The following CNKSR3 variants were observed in gnomAD, a reference collection of about 807,000 sequenced individuals.
The protein encoded by CNKSR3 is connector enhancer of kinase suppressor of ras 3.
CNKSR3 carries 36 observed loss-of-function variants against 67.7 expected under a neutral mutation model. That is an observed-to-expected ratio of 0.53 (90% CI 0.41 to 0.70). CNKSR3 has a LOEUF of 0.70. CNKSR3 is among the 30% of genes least tolerant of loss of function. The probability of loss-of-function intolerance (pLI) is 0.00; values close to 1 mark genes in which losing one functional copy is unlikely to be tolerated. For synonymous variants in CNKSR3, 281 were observed against 271.4 expected (o/e 1.04, Z -0.35); for missense variants, 630 against 695.2 (o/e 0.91, Z 1.05).
chr6:154,506,271 GAAGA>G (rs1787101562), intron 1 of CNKSR3, among the ~76,000 whole-genome samples: 1 of 151,404 alleles, frequency 6.6e-6, no homozygotes, highest in African/African-American at 2.4e-5. Context: ...AAAAAAGGAA[GAAGA>G]AATGAAAAGG....
chr6:154,487,015 G>A (rs913059723), intron 1 of CNKSR3, among the ~76,000 whole-genome samples: 9 of 148,618 alleles, frequency 6.1e-5, no homozygotes, highest in East Asian at 4.2e-4. Flanking sequence ...GGGTTCAAGT[G>A]ATTCTCCTGC....
chr6:154,457,707 G>T (rs564756198), intron 1 of CNKSR3, among the ~76,000 whole-genome samples: 1 of 152,074 alleles, frequency 6.6e-6, no homozygotes, highest in Non-Finnish European at 1.5e-5. Context: ...TGTCTTGCCC[G>T]GATTTCTGCA....
At chr6:154,474,345 G>T (rs775986384) in intron 1 of CNKSR3, among the ~76,000 whole-genome samples, 1 of 151,400 alleles carries the variant, frequency 6.6e-6, no homozygotes, top group Non-Finnish European at 1.5e-5. Flanking sequence ...CCCGGGAGGC[G>T]GAGGTTGCAG....
chr6:154,482,826 C>T (rs1272732431), intron 1 of CNKSR3, among the ~76,000 whole-genome samples: 2 of 152,024 alleles, frequency 1.3e-5, no homozygotes, highest in Non-Finnish European at 2.9e-5. Context: ...CTACAGGCAA[C>T]GGAAAGATAA....
chr6:154,466,852 T>C (rs1421757273), intron 1 of CNKSR3, among the ~76,000 whole-genome samples: 1 of 151,170 alleles, frequency 6.6e-6, no homozygotes, highest in East Asian at 1.9e-4. Flanking sequence ...CTCAAACTCC[T>C]GGGCTCAAGT....
chr6:154,399,633 T>A lies in CNKSR3; in HGVS notation c.*6721A>T, dbSNP rs777553572. Reference sequence around the variant, plus strand: ...TCTAAATTCGCGCTAATTCCTCAAATCCCTCCTCTTATCCTGGTGCAGCCT... The same window carrying A: ...TCTAAATTCGCGCTAATTCCTCAAAACCCTCCTCTTATCCTGGTGCAGCCT... On this transcript the variant is annotated 3_prime_UTR_variant, in exon 13 of 13. Coordinates refer to ENST00000607772, the MANE Select transcript of CNKSR3 (RefSeq NM_173515.4). 6.6e-6 allele frequency: 1 copy of A among 151,830 alleles called. No individual in the cohort carries two copies. The highest frequency in any genetic ancestry group is 1.5e-5 in the Non-Finnish European group (1 of 67,992). 9.4% of individuals were successfully genotyped at this position (151,830 alleles called of 1,614,324 possible).
chr6:154,462,430 G>T (rs1372962853), intron 1 of CNKSR3, among the ~76,000 whole-genome samples: 5 of 152,188 alleles, frequency 3.3e-5, no homozygotes, highest in Non-Finnish European at 7.3e-5. Context: ...GGTTTTGTGT[G>T]ATTGGCTTCT....
In CNKSR3 at chr6:154,510,216, C is replaced by G. The variant is rs1787188224; in HGVS notation, c.-102G>C. 1.4e-6 allele frequency: 2 copies of G among 1,396,118 alleles called. No homozygotes were observed. Among genetic ancestry groups the G allele is most frequent in the Non-Finnish European group, 2.0e-6 (2 of 993,106 alleles). 86.5% of individuals were successfully genotyped at this position (1,396,118 alleles called of 1,614,324 possible). ...CGGGAGGGCGCGCCCGCGGCTGCTC[C>G]CCTGCGCCCGAGCGACTCCGTCAAG... On this transcript the variant is annotated 5_prime_UTR_variant, in exon 1 of 13. Coordinates refer to ENST00000607772, the MANE Select transcript of CNKSR3 (RefSeq NM_173515.4).
intron 4 of CNKSR3, among the ~76,000 whole-genome samples, chr6:154,439,410 C>T (rs1239019714): frequency 6.6e-6 from 1 of 151,798 alleles, no homozygotes; most frequent in Non-Finnish European, 1.5e-5. Flanking sequence ...ACAAACATGA[C>T]CCCCCCTGCC....
chr6:154,476,586 G>A (rs953149216), intron 1 of CNKSR3, among the ~76,000 whole-genome samples: 5 of 152,102 alleles, frequency 3.3e-5, no homozygotes, highest in African/African-American at 9.7e-5. Flanking sequence ...AGAGGAGCCA[G>A]TGTGTGTTAC....
intron 1 of CNKSR3, among the ~76,000 whole-genome samples, chr6:154,468,429 CA>C (rs1562346856): frequency 4.7e-5 from 7 of 149,778 alleles, no homozygotes; most frequent in Non-Finnish European, 7.4e-5. Flanking sequence ...CACACACACA[CA>C]CACCATGACC....
chr6:154,435,567 C>T (rs1183891749), intron 4 of CNKSR3, among the ~76,000 whole-genome samples: 4 of 152,240 alleles, frequency 2.6e-5, no homozygotes, highest in Admixed American at 6.5e-5. Flanking sequence ...TCTCACCTCC[C>T]GCCACTGTGA....
intron 4 of CNKSR3, among the ~76,000 whole-genome samples, chr6:154,435,054 G>C (rs1739210982): frequency 6.8e-6 from 1 of 146,854 alleles, no homozygotes; most frequent in African/African-American, 2.5e-5. Flanking sequence ...GAATGCAATG[G>C]TGCAATCTCA....
chr6:154,440,582 T>C (rs1785560967), intron 4 of CNKSR3, among the ~76,000 whole-genome samples: 1 of 152,218 alleles, frequency 6.6e-6, no homozygotes, highest in Admixed American at 6.5e-5. Context: ...GAGCCTTTAC[T>C]AAGATACCTA....
intron 12 of CNKSR3, among the ~76,000 whole-genome samples, chr6:154,407,872 GAAAAAAAA>G (rs56406534): frequency 7.3e-5 from 5 of 68,662 alleles, no homozygotes; most frequent in East Asian, 9.9e-4. Context: ...TTTAGAATTT[GAAAAAAAA>G]AAAAAAAAAA....
In CNKSR3 at chr6:154,499,892, C is replaced by G. The variant is rs145835147; in HGVS notation, c.52+10171G>C. Among the ~76,000 whole-genome samples the G allele has an allele frequency of 1.9e-3, 289 of 152,324 alleles. 2 individuals carry two copies. The highest frequency in any genetic ancestry group is 6.0e-3 in the African/African-American group (251 of 41,566). Reference sequence around the variant, plus strand: ...GCCTGGGGTGCTTAGAATCAAACCACTTCAAACCATGTGTCTCCAGGCATC... The same window carrying G: ...GCCTGGGGTGCTTAGAATCAAACCAGTTCAAACCATGTGTCTCCAGGCATC... On this transcript the variant is annotated intron_variant, in intron 1 of 12. Transcript: ENST00000607772.
chr6:154,501,397 G>C (rs1431650675), intron 1 of CNKSR3, among the ~76,000 whole-genome samples: 1 of 151,968 alleles, frequency 6.6e-6, no homozygotes, highest in East Asian at 1.9e-4. Flanking sequence ...ATAAAAAATT[G>C]CACCTCCCTG....
intron 1 of CNKSR3, among the ~76,000 whole-genome samples, chr6:154,498,438 C>CAA (rs141136669): frequency 6.6e-6 from 1 of 151,746 alleles, no homozygotes; most frequent in Non-Finnish European, 1.5e-5. Context: ...TTGACAAGAA[C>CAA]AAAAAAATGA....
At chr6:154,415,473 C>T (rs1180976258) in intron 9 of CNKSR3, among the ~76,000 whole-genome samples, 2 of 152,186 alleles carry the variant, frequency 1.3e-5, no homozygotes, top group South Asian at 2.1e-4. Context: ...ACAGGTGATC[C>T]GCCCACCTCA....
Sources: allele counts gnomAD v4.1 joint callset (sites outside exome capture counted in the v4.1 genomes callset), GRCh38; gene constraint gnomAD v4.1.1; transcripts MANE v1.5; gene names NCBI Gene and HGNC (gene_info 2026-07-23, HGNC 2026-07-21).